EXT2: variants seen among roughly 807,000 people sequenced by gnomAD.
EXT2 encodes exostosin glycosyltransferase 2.
A neutral mutation model predicts 81.6 loss-of-function variants in EXT2; 53 were observed. The ratio of observed to expected loss-of-function variants is 0.65; its 90% CI spans 0.52 to 0.82. EXT2 has a LOEUF of 0.82. Ranked by LOEUF, EXT2 falls within the 40% of genes least tolerant of loss-of-function variation. The probability of loss-of-function intolerance (pLI) is 0.00; values close to 1 mark genes in which losing one functional copy is unlikely to be tolerated. For missense variants in EXT2, 774 were observed against 910.2 expected (o/e 0.85, Z 1.93); for synonymous variants, 320 against 340.0 (o/e 0.94, Z 0.65).
intron 7 of EXT2, among the ~76,000 whole-genome samples, chr11:44,131,376 G>A (rs1289657040): frequency 6.6e-6 from 1 of 152,152 alleles, no homozygotes; most frequent in Non-Finnish European, 1.5e-5. Context: ...TAAGTCTGTA[G>A]GTTCTTACCT....
At chr11:44,158,343 G>A (rs903156235) in intron 7 of EXT2, among the ~76,000 whole-genome samples, 3 of 152,090 alleles carry the variant, frequency 2.0e-5, no homozygotes, top group Non-Finnish European at 2.9e-5. Context: ...GAGTACTTTA[G>A]CCATTAACCC....
chr11:44,236,834 G>A (rs1955971362), intron 13 of EXT2, among the ~76,000 whole-genome samples: 1 of 152,260 alleles, frequency 6.6e-6, no homozygotes, highest in East Asian at 1.9e-4. Flanking sequence ...CGAAAGCAAA[G>A]CCCTCATATT....
intron 8 of EXT2, among the ~76,000 whole-genome samples, chr11:44,177,214 G>T (rs954874125): frequency 6.6e-6 from 1 of 152,224 alleles, no homozygotes; most frequent in Non-Finnish European, 1.5e-5. Context: ...ATTAGGGGAA[G>T]TGTGCATGTT....
In EXT2 at chr11:44,212,399, C is replaced by T. The variant is rs566041948; in HGVS notation, c.1662+5440C>T. ...GACACACAAAAAAAGTCCTCAACAT[C>T]ATAGTCACTACAACAGTTTTAAAAT... is the stretch of plus-strand genomic sequence containing the variant. On this transcript the variant is annotated intron_variant, in intron 10 of 13. Transcript: ENST00000533608. Among the ~76,000 whole-genome samples, 13 of 151,750 alleles carry T rather than the reference C, an allele frequency of 8.6e-5. No homozygotes were observed. In the East Asian group the frequency reaches 1.9e-3, roughly 23 times the overall value.
At chr11:44,242,432 G>C (rs1268269290) in intron 13 of EXT2, among the ~76,000 whole-genome samples, 1 of 152,176 alleles carries the variant, frequency 6.6e-6, no homozygotes, top group East Asian at 1.9e-4. Context: ...AGTCTCAAAA[G>C]ACTTCCAGCA....
At chr11:44,192,695 A>G (rs1002639460) in intron 8 of EXT2, among the ~76,000 whole-genome samples, 1 of 152,200 alleles carries the variant, frequency 6.6e-6, no homozygotes, top group Non-Finnish European at 1.5e-5. Context: ...AGATACTATC[A>G]TGATCCCTGT....
At chr11:44,169,175 G>A (rs183815925) in intron 7 of EXT2, among the ~76,000 whole-genome samples, 27 of 151,996 alleles carry the variant, frequency 1.8e-4, no homozygotes, top group Middle Eastern at 3.4e-3. Context: ...AGCTGAGATC[G>A]CGCCACTGCA....
chr11:44,204,244 T>C (rs1308061029), intron 9 of EXT2, among the ~76,000 whole-genome samples: 2 of 152,218 alleles, frequency 1.3e-5, no homozygotes, highest in Admixed American at 1.3e-4. Context: ...CTCTCACAAA[T>C]GTACAGTAGA....
At chr11:44,236,144 T>C in intron 12 of EXT2, 149 bp from the exon 13 acceptor site, 5 of 756,750 alleles carry the variant, frequency 6.6e-6, no homozygotes, top group Non-Finnish European at 9.3e-6. Flanking sequence ...CAGAGTTGAA[T>C]GGAGGAATGG....
chr11:44,180,913 C>G (rs1319571871), intron 8 of EXT2, among the ~76,000 whole-genome samples: 1 of 151,996 alleles, frequency 6.6e-6, no homozygotes, highest in Non-Finnish European at 1.5e-5. Flanking sequence ...ACCAGCCTGG[C>G]CAACATGGCG....
intron 1 of EXT2, among the ~76,000 whole-genome samples, chr11:44,106,124 C>A (rs1432212602): frequency 6.6e-6 from 1 of 152,220 alleles, no homozygotes; most frequent in Non-Finnish European, 1.5e-5. Context: ...AACATCACTT[C>A]AGCCACATTT....
chr11:44,147,168 C>T (rs183047732), intron 7 of EXT2, among the ~76,000 whole-genome samples: 7 of 152,306 alleles, frequency 4.6e-5, no homozygotes, highest in African/African-American at 1.7e-4. Context: ...TCTGAATCAG[C>T]CAGGTTGATG....
At chr11:44,234,386 G>A (rs932909203) in intron 12 of EXT2, 143 bp downstream of exon 12, 10 of 817,166 alleles carry the variant, frequency 1.2e-5, no homozygotes, top group Admixed American at 2.2e-5. Flanking sequence ...TATGATTGAT[G>A]CGGTCACATT....
chr11:44,247,782 C>T lies in EXT2; in HGVS notation c.*3495C>T, dbSNP rs1383743848. On this transcript the variant is annotated 3_prime_UTR_variant, in exon 14 of 14. Coordinates refer to ENST00000533608, the MANE Select transcript of EXT2 (RefSeq NM_207122.2). ...CATTGGCCAAAGATGTTGCTAATAA[C>T]CCTGTGATCCTAGCTTCCTTCTAGG... Among the ~76,000 whole-genome samples the T allele has an allele frequency of 6.6e-6, 1 of 152,236 alleles. No individual in the cohort carries two copies. The highest frequency in any genetic ancestry group is 1.5e-5 in the Non-Finnish European group (1 of 68,042).
intron 7 of EXT2, among the ~76,000 whole-genome samples, chr11:44,168,082 T>C (rs1412115770): frequency 6.6e-6 from 1 of 151,986 alleles, no homozygotes; most frequent in Non-Finnish European, 1.5e-5. Flanking sequence ...TTTGGTTTTT[T>C]TTTCTTGCGA....
chr11:44,203,984 G>A (rs548156753), intron 9 of EXT2, among the ~76,000 whole-genome samples: 7 of 152,172 alleles, frequency 4.6e-5, no homozygotes, highest in Non-Finnish European at 8.8e-5. Context: ...GTTTCTTTAA[G>A]CATTCTGTAG....
rs1161538846 is a variant in EXT2 at position 44,246,103 on chromosome 11, A to G, written c.*1816A>G. 6.6e-6 allele frequency among the ~76,000 whole-genome samples: 1 copy of G among 152,220 alleles called. No individual in the cohort carries two copies. Among genetic ancestry groups the G allele is most frequent in the African/African-American group, 2.4e-5 (1 of 41,446 alleles). On this transcript the variant is annotated 3_prime_UTR_variant, in exon 14 of 14. Coordinates refer to ENST00000533608, the MANE Select transcript of EXT2 (RefSeq NM_207122.2). ...GGGGACGATATGGTAGAAAGCCAGG[A>G]AAAATATTTCTGTTGTCACCCAGGT...
rs924830919 is a variant in EXT2, at chr11:44,244,925, T to G, written c.*638T>G. ...TGATATGATTAAAATTATTTTTTAT[T>G]CCTTTTTCTACTGTGTCTTAAACAC... On this transcript the variant is annotated 3_prime_UTR_variant, in exon 14 of 14. Transcript: ENST00000533608. The G allele has an allele frequency of 3.9e-5, 9 of 233,014 alleles. No homozygotes were observed. Among genetic ancestry groups the G allele is most frequent in the Non-Finnish European group, 7.6e-5 (9 of 117,992 alleles). 14.4% of individuals were successfully genotyped at this position (233,014 alleles called of 1,614,324 possible). A position where few individuals can be genotyped will look rare whatever the true frequency, so the allele number is the denominator to read the frequency against.
chr11:44,205,449 A>G (rs1955570810), intron 9 of EXT2, among the ~76,000 whole-genome samples: 1 of 152,244 alleles, frequency 6.6e-6, no homozygotes, highest in African/African-American at 2.4e-5. Flanking sequence ...GCAGTGGCCT[A>G]TAGGGTTATT....
Sources: allele counts gnomAD v4.1 joint callset (sites outside exome capture counted in the v4.1 genomes callset), GRCh38; gene constraint gnomAD v4.1.1; transcripts MANE v1.5; gene names NCBI Gene and HGNC (gene_info 2026-07-23, HGNC 2026-07-21).